FOCAD: variants seen among roughly 807,000 people sequenced by gnomAD.
FOCAD encodes the protein KIAA1797.
FOCAD carries 198 observed loss-of-function variants against 225.6 expected under a neutral mutation model. The observed-to-expected ratio is 0.88, with a 90% CI of 0.78 to 0.99. FOCAD has a LOEUF of 0.99. Ranked by LOEUF, FOCAD falls within the 50% of genes least tolerant of loss-of-function variation. The pLI is 0.00. For synonymous variants in FOCAD, 897 were observed against 755.0 expected (o/e 1.19, Z -3.08); for missense variants, 2,713 against 2,123.6 (o/e 1.28, Z -5.46).
At chr9:20,909,872 C>A (rs1258490294) in intron 22 of FOCAD, among the ~76,000 whole-genome samples, 1 of 152,070 alleles carries the variant, frequency 6.6e-6, no homozygotes, top group East Asian at 1.9e-4. Flanking sequence ...GACACTTTTT[C>A]TGTACAGGAA....
chr9:20,924,390 A>G (rs753182231), intron 25 of FOCAD, among the ~76,000 whole-genome samples: 1 of 152,206 alleles, frequency 6.6e-6, no homozygotes, highest in African/African-American at 2.4e-5. Context: ...CTATATTTAG[A>G]TCCTATTACT....
chr9:20,879,295 G>A (rs551261837), intron 19 of FOCAD, among the ~76,000 whole-genome samples: 1 of 152,186 alleles, frequency 6.6e-6, no homozygotes, highest in East Asian at 1.9e-4. Context: ...TCCCTCCCCA[G>A]GATTAGGCTT....
At chr9:20,983,569 T>TCA (rs1840902922) in intron 39 of FOCAD, among the ~76,000 whole-genome samples, 1 of 67,806 alleles carries the variant, frequency 1.5e-5, no homozygotes, top group African/African-American at 6.2e-5. Context: ...AGACTCTGTC[T>TCA]CAAAAAAAAA....
intron 11 of FOCAD, among the ~76,000 whole-genome samples, chr9:20,801,757 G>A (rs1821862651): frequency 6.6e-6 from 1 of 152,000 alleles, no homozygotes; most frequent in Non-Finnish European, 1.5e-5. Flanking sequence ...TTTTCTTGTT[G>A]GGGTGTCAAA....
At chr9:20,945,855 A>G (rs147379524) in intron 29 of FOCAD, among the ~76,000 whole-genome samples, 14 of 152,292 alleles carry the variant, frequency 9.2e-5, no homozygotes, top group African/African-American at 3.1e-4. Flanking sequence ...CAGTGCTAGA[A>G]GTTGAATTTT....
chr9:20,702,225 C>A (rs979901785), intron 1 of FOCAD, among the ~76,000 whole-genome samples: 1 of 152,040 alleles, frequency 6.6e-6, no homozygotes, highest in African/African-American at 2.4e-5. Context: ...ACTGCAGCCT[C>A]CTGGGTAGCT....
chr9:20,655,691 C>T (rs201926938), upstream of FOCAD, among the ~76,000 whole-genome samples: 17 of 152,210 alleles, frequency 1.1e-4, no homozygotes, highest in East Asian at 1.7e-3. Flanking sequence ...GTCTTGCTAG[C>T]GGTCTATCAA....
At chr9:20,802,723 A>G (rs899657946) in intron 11 of FOCAD, among the ~76,000 whole-genome samples, 1 of 152,178 alleles carries the variant, frequency 6.6e-6, no homozygotes, top group Non-Finnish European at 1.5e-5. Context: ...AAATTTCATT[A>G]AATGAAATCC....
intron 24 of FOCAD, among the ~76,000 whole-genome samples, chr9:20,919,087 C>A (rs1564151108): frequency 6.6e-6 from 1 of 152,192 alleles, no homozygotes; most frequent in African/African-American, 2.4e-5. Flanking sequence ...CCCAAAATCT[C>A]CTCAAGCTGA....
At chr9:20,732,360 T>A (rs1352056495) in intron 4 of FOCAD, among the ~76,000 whole-genome samples, 2 of 152,186 alleles carry the variant, frequency 1.3e-5, no homozygotes, top group African/African-American at 4.8e-5. Context: ...AAATAAAAGT[T>A]GTCTAGGCAA....
At chr9:20,967,596 C>G (rs1009343826) in intron 35 of FOCAD, among the ~76,000 whole-genome samples, 2 of 152,060 alleles carry the variant, frequency 1.3e-5, no homozygotes, top group African/African-American at 4.8e-5. Context: ...AAAAAGCTTT[C>G]AGTTTTTCAC....
intron 2 of FOCAD, among the ~76,000 whole-genome samples, chr9:20,716,663 T>C (rs1390484029): frequency 1.3e-5 from 2 of 152,224 alleles, no homozygotes; most frequent in Non-Finnish European, 2.9e-5. Flanking sequence ...ATATTTCTTA[T>C]TGTTCTTCTG....
intron 21 of FOCAD, among the ~76,000 whole-genome samples, chr9:20,891,466 G>A (rs910129595): frequency 6.6e-6 from 1 of 152,174 alleles, no homozygotes; most frequent in South Asian, 2.1e-4. Flanking sequence ...AATTAAATGT[G>A]CTACTCCAGT....
At chr9:20,863,747 A>G (rs1285796880) in intron 16 of FOCAD, among the ~76,000 whole-genome samples, 1 of 152,146 alleles carries the variant, frequency 6.6e-6, no homozygotes, top group Non-Finnish European at 1.5e-5. Context: ...GCTACTGATA[A>G]TGAGCTAAGA....
chr9:20,809,945 T>A (rs2131344212), intron 11 of FOCAD, among the ~76,000 whole-genome samples: 1 of 152,308 alleles, frequency 6.6e-6, no homozygotes, highest in South Asian at 2.1e-4. Flanking sequence ...TGCCACTTTC[T>A]TTTAAAGCAA....
upstream of FOCAD, among the ~76,000 whole-genome samples, chr9:20,656,792 CGT>C (rs1563857907): frequency 1.1e-4 from 16 of 152,162 alleles, no homozygotes; most frequent in Non-Finnish European, 2.1e-4. Context: ...AAGTTAATAG[CGT>C]TATGTGTGAA....
intron 7 of FOCAD, among the ~76,000 whole-genome samples, chr9:20,765,527 A>C (rs984101191): frequency 2.0e-5 from 3 of 152,126 alleles, no homozygotes; most frequent in Admixed American, 1.3e-4. Flanking sequence ...TCCAGCTTCC[A>C]CATGTCCCCT....
Position 20,686,718 on chromosome 9 carries a change from A to T in FOCAD, c.-33+2425A>T, listed in dbSNP as rs10118836. 3.1e-3 allele frequency among the ~76,000 whole-genome samples: 467 copies of T among 152,348 alleles called. 3 individuals carry two copies. Among genetic ancestry groups the T allele is most frequent in the African/African-American group, 0.011 (453 of 41,584 alleles). On this transcript the variant is annotated intron_variant, in intron 1 of 43. Coordinates refer to ENST00000338382, the MANE Select transcript of FOCAD (RefSeq NM_001375567.1). Reference sequence around the variant, plus strand: ...TTTCTTTAGGAGATGAGAAATCTATAGATCTAGAGATGCATGGTATAATAA... The same window carrying T: ...TTTCTTTAGGAGATGAGAAATCTATTGATCTAGAGATGCATGGTATAATAA...
intron 35 of FOCAD, among the ~76,000 whole-genome samples, chr9:20,954,194 CAG>C (rs1235862371): frequency 6.6e-6 from 1 of 152,072 alleles, no homozygotes; most frequent in Non-Finnish European, 1.5e-5. Flanking sequence ...TATATATAAA[CAG>C]ATCATATATT....
Sources: allele counts gnomAD v4.1 joint callset (sites outside exome capture counted in the v4.1 genomes callset), GRCh38; gene constraint gnomAD v4.1.1; transcripts MANE v1.5; gene names NCBI Gene and HGNC (gene_info 2026-07-23, HGNC 2026-07-21).